The following CACNG8 variants were observed in gnomAD, a reference collection of about 807,000 sequenced individuals.
CACNG8 encodes the protein voltage-dependent calcium channel gamma-8 subunit.
A neutral mutation model predicts 26.9 loss-of-function variants in CACNG8; 5 were observed. The observed-to-expected ratio is 0.19, with a 90% CI of 0.10 to 0.39. CACNG8 has a LOEUF of 0.39. CACNG8 is among the 10% of genes least tolerant of loss of function. CACNG8 has a pLI of 1.00. For missense variants in CACNG8, 473 were observed against 609.4 expected, an observed-to-expected ratio of 0.78 and a Z score of 2.36; for synonymous variants, 321 against 296.7, an observed-to-expected ratio of 1.08 and a Z score of -0.84.
At chr19:53,966,489 T>C (rs2069273137) in intron 1 of CACNG8, among the ~76,000 whole-genome samples, 1 of 152,136 alleles carries the variant, frequency 6.6e-6, no homozygotes, top group Non-Finnish European at 1.5e-5. Context: ...CATAGCTCAC[T>C]GCAGCCTTGA....
At chr19:53,980,074 G>A in intron 3 of CACNG8, 67 bp downstream of exon 3, 3 of 1,440,516 alleles carry the variant, frequency 2.1e-6, no homozygotes, top group South Asian at 2.8e-5. Context: ...GTGTGTGTGT[G>A]TGTGTGTGTG....
intron 1 of CACNG8, among the ~76,000 whole-genome samples, chr19:53,968,243 T>C (rs1284453088): frequency 6.6e-6 from 1 of 151,650 alleles, no homozygotes; most frequent in Non-Finnish European, 1.5e-5. Context: ...GAAGTGCTGG[T>C]GCGTGCCTGT....
chr19:53,989,459 C>G lies in CACNG8; in HGVS notation c.*6610C>G, dbSNP rs887076668. The G allele has an allele frequency of 6.6e-6, 1 of 152,412 alleles. No individual in the cohort carries two copies. The highest frequency in any genetic ancestry group is 1.5e-5 in the Non-Finnish European group (1 of 68,014). The allele number at this position is 152,412 out of a possible 1,614,324, so 9.4% of individuals were successfully genotyped here. On this transcript the variant is annotated 3_prime_UTR_variant, in exon 4 of 4. Coordinates refer to ENST00000270458, the MANE Select transcript of CACNG8 (RefSeq NM_031895.6). ...ACCCAGAGATTCGCATAGAAAGCAA[C>G]GTGGAGACTCAGAAGCAAGCACAGC...
chr19:53,978,229 C>A lies in CACNG8; in HGVS notation c.367C>A (p.Arg123=). ...CCACGACAGCGCGGAGTATCTACTCCGTACGTGGGGGTCCGGGACAGACGT... is the reference window on the plus strand; with the variant it reads ...CCACGACAGCGCGGAGTATCTACTCAGTACGTGGGGGTCCGGGACAGACGT... The change falls in exon 2 of 4, where the codon CGA becomes AGA. Residue 123 remains arginine (R), a splice_region_variant and synonymous_variant. Coordinates refer to ENST00000270458, the MANE Select transcript of CACNG8 (RefSeq NM_031895.6). 1 of 1,611,388 alleles carries A rather than the reference C, an allele frequency of 6.2e-7. No individual in the cohort carries two copies. Among genetic ancestry groups the A allele is most frequent in the Non-Finnish European group, 8.5e-7 (1 of 1,178,860 alleles).
chr19:53,982,646 C>G lies in CACNG8; in HGVS notation c.1075C>G (p.Arg359Gly). The change falls in exon 4 of 4, where the codon CGC becomes GGC. Residue 359 changes from arginine (R) to glycine (G), a missense_variant. Physicochemically the swap from Arg to Gly is moderately radical, Grantham distance 125. Around this residue, in one of 6 missense-constraint regions of CACNG8, gnomAD observed 212 missense variants for 214.4 expected, o/e 0.99. Coordinates refer to ENST00000270458, the MANE Select transcript of CACNG8 (RefSeq NM_031895.6). This position sits in a 1 kb window ranked among gnomAD's most constrained non-coding sequence, Gnocchi z 8.4. ...CGGCGGGGCGGGTGCCGAGCGGGAC[C>G]GCGGGGGGGCGTCCGGCTTCCTCAC... is the stretch of plus-strand genomic sequence containing the variant. 2.9e-6 allele frequency: 3 copies of G among 1,047,330 alleles called. No homozygotes were observed. Among genetic ancestry groups the G allele is most frequent in the Non-Finnish European group, 3.4e-6 (3 of 871,880 alleles). The allele number at this position is 1,047,330 out of a possible 1,614,324, so 64.9% of individuals were successfully genotyped here. A position where few individuals can be genotyped will look rare whatever the true frequency, so the allele number is the denominator to read the frequency against.
chr19:53,982,287 G>A lies in CACNG8; in HGVS notation c.716G>A (p.Arg239His), dbSNP rs1233983360. 3 of 1,609,920 alleles carry A rather than the reference G, an allele frequency of 1.9e-6. No homozygotes were observed. Among genetic ancestry groups the A allele is most frequent in the Non-Finnish European group, 2.5e-6 (3 of 1,178,674 alleles). Residue 239 changes from arginine (R) to histidine (H), a missense_variant, in exon 4 of 4, where the codon CGC becomes CAC. Physicochemically the swap from Arg to His is conservative, Grantham distance 29. Transcript: ENST00000270458. The surrounding 1 kb of genome is among the most constrained non-coding windows in gnomAD (Gnocchi z 8.4). ...AGCCGCGAGGCGCACTGCCAGTCTC[G>A]CTCGGACCTGCTCAAGGCCGGCGGG...
Position 53,968,508 on chromosome 19 carries a change from G to A in CACNG8, c.283+5083G>A, listed in dbSNP as rs545323553. ...GAGATGGCCGGGCGCGGTGGCTCAC[G>A]CCTGTAATTCCAGCACTTTGGGAGG... On this transcript the variant is annotated intron_variant, in intron 1 of 3. Transcript: ENST00000270458. 5.4e-4 allele frequency among the ~76,000 whole-genome samples: 82 copies of A among 151,570 alleles called. 1 individual carries two copies. In the East Asian group the frequency reaches 0.015, roughly 28 times the overall value.
At chr19:53,973,376 A>G (rs2069313146) in intron 1 of CACNG8, among the ~76,000 whole-genome samples, 1 of 151,988 alleles carries the variant, frequency 6.6e-6, no homozygotes. Flanking sequence ...ACAAAAAATT[A>G]GCCAGGGGTG....
chr19:53,963,521 T>A, intron 1 of CACNG8, 96 bp downstream of exon 1: 2 of 1,246,720 alleles, frequency 1.6e-6, no homozygotes, highest in Non-Finnish European at 2.1e-6. Context: ...TGGGGCCCCC[T>A]TGGGCACCCC....
intron 1 of CACNG8, among the ~76,000 whole-genome samples, chr19:53,977,121 T>C (rs906301202): frequency 1.1e-4 from 16 of 152,188 alleles, no homozygotes; most frequent in African/African-American, 3.9e-4. Flanking sequence ...AACTAATGCA[T>C]GTCCTACGGG....
At chr19:53,977,730 C>G (rs1194795300) in intron 1 of CACNG8, among the ~76,000 whole-genome samples, 1 of 151,948 alleles carries the variant, frequency 6.6e-6, no homozygotes, top group African/African-American at 2.4e-5. Context: ...TTTTTTTTCC[C>G]ACGCATTTCC....
chr19:53,970,581 C>T (rs903591301), intron 1 of CACNG8, among the ~76,000 whole-genome samples: 13 of 149,936 alleles, frequency 8.7e-5, no homozygotes, highest in South Asian at 2.1e-4. Flanking sequence ...GCTGAGATGG[C>T]GCCACCGCAC....
Position 53,982,108 on chromosome 19 carries a change from G to T in CACNG8, c.537G>T (p.Val179=). The T allele has an allele frequency of 6.2e-7, 1 of 1,602,590 alleles. No individual in the cohort carries two copies. The highest frequency in any genetic ancestry group is 8.5e-7 in the Non-Finnish European group (1 of 1,175,002). ...TGAGCAACATCATCGGCGTGATCGT[G>T]TACATCTCCGCCAACGCGGGCGAGC... The change falls in exon 4 of 4, where the codon GTG becomes GTT. Residue 179 remains valine (V), a synonymous_variant. Transcript: ENST00000270458. The surrounding 1 kb of genome is among the most constrained non-coding windows in gnomAD (Gnocchi z 8.4).
At chr19:53,965,678 G>C (rs757984292) in intron 1 of CACNG8, among the ~76,000 whole-genome samples, 1 of 151,432 alleles carries the variant, frequency 6.6e-6, no homozygotes, top group African/African-American at 2.4e-5. Flanking sequence ...ACCTCCTGTC[G>C]TTATATATCT....
chr19:53,976,483 G>C (rs1444401430), intron 1 of CACNG8, among the ~76,000 whole-genome samples: 2 of 152,192 alleles, frequency 1.3e-5, no homozygotes, highest in Non-Finnish European at 2.9e-5. Context: ...AGCACCAAAC[G>C]CACATTAGCT....
At chr19:53,974,920 G>T (rs1194401176) in intron 1 of CACNG8, among the ~76,000 whole-genome samples, 4 of 150,860 alleles carry the variant, frequency 2.7e-5, no homozygotes, top group African/African-American at 9.8e-5. Flanking sequence ...GATTACTGAC[G>T]TGAGCTACCG....
At chr19:53,976,551 A>G (rs1469855724) in intron 1 of CACNG8, among the ~76,000 whole-genome samples, 4 of 151,906 alleles carry the variant, frequency 2.6e-5, no homozygotes, top group African/African-American at 9.7e-5. Flanking sequence ...CTTTATCCCT[A>G]TTCTTTCCCC....
intron 1 of CACNG8, among the ~76,000 whole-genome samples, chr19:53,969,468 A>G (rs1167371717): frequency 6.7e-6 from 1 of 149,118 alleles, no homozygotes; most frequent in East Asian, 2.0e-4. Flanking sequence ...CACATTGCCC[A>G]GCCTGGTCTA....
chr19:53,965,286 G>A (rs1020653075), intron 1 of CACNG8, among the ~76,000 whole-genome samples: 4 of 152,274 alleles, frequency 2.6e-5, no homozygotes, highest in Admixed American at 1.3e-4. Flanking sequence ...CTGAGCTGGC[G>A]GAAGATCTAG....
Sources: gnomAD v4.1 joint callset for allele counts (sites outside exome capture counted in the v4.1 genomes callset) on GRCh38, gnomAD v4.1.1 for gene constraint, gnomAD v4.1.1 regional missense constraint, Gnocchi (gnomAD v3.1) non-coding constraint, MANE v1.5 for transcripts, NCBI Gene and HGNC (gene_info 2026-07-23, HGNC 2026-07-21) for gene names.